The following VWC2L variants were observed in gnomAD, a reference collection of about 807,000 sequenced individuals.
VWC2L encodes von Willebrand factor C domain-containing protein 2-like.
Under a neutral mutation model 21.6 loss-of-function variants are expected in VWC2L, and 10 were observed. The ratio of observed to expected loss-of-function variants is 0.46; its 90% CI spans 0.29 to 0.78. The LOEUF (loss-of-function observed/expected upper bound fraction) is 0.78, where lower values mean the gene tolerates loss of function less well. Among genes scored for constraint, VWC2L ranks in the 30% least tolerant of loss-of-function variants. The pLI, the probability that VWC2L is intolerant of heterozygous loss-of-function variation, is 0.10. For missense variants in VWC2L, 209 were observed against 277.1 expected, an observed-to-expected ratio of 0.75 and a Z score of 1.74; for synonymous variants, 96 against 94.3, an observed-to-expected ratio of 1.02 and a Z score of -0.10.
chr2:214,481,935 G>A (rs1279354549), intron 3 of VWC2L, among the ~76,000 whole-genome samples: 1 of 152,058 alleles, frequency 6.6e-6, no homozygotes, highest in African/African-American at 2.4e-5. Context: ...AGTTAACAGG[G>A]GAAAAGAAAT....
At chr2:214,429,045 TATG>T (rs1474530339) in intron 2 of VWC2L, among the ~76,000 whole-genome samples, 4 of 152,210 alleles carry the variant, frequency 2.6e-5, no homozygotes, top group Non-Finnish European at 5.9e-5. Flanking sequence ...ATTCATCTCC[TATG>T]ATTCTTTCAG....
At chr2:214,461,438 G>A (rs376278369) in intron 3 of VWC2L, among the ~76,000 whole-genome samples, 2 of 152,206 alleles carry the variant, frequency 1.3e-5, no homozygotes, top group Non-Finnish European at 2.9e-5. Context: ...GCCCCCAAAT[G>A]TCACAACCAG....
At chr2:214,553,874 T>C (rs1010104572) in intron 3 of VWC2L, among the ~76,000 whole-genome samples, 6 of 152,084 alleles carry the variant, frequency 3.9e-5, no homozygotes, top group Non-Finnish European at 7.4e-5. Flanking sequence ...ACAAACATGA[T>C]ACAAAAAATC....
At chr2:214,430,796 C>T (rs1204218471) in intron 2 of VWC2L, among the ~76,000 whole-genome samples, 2 of 152,194 alleles carry the variant, frequency 1.3e-5, no homozygotes, top group African/African-American at 4.8e-5. Context: ...CCACGATATA[C>T]ATTTGCTGAG....
At chr2:214,529,497 T>G (rs1171989918) in intron 3 of VWC2L, among the ~76,000 whole-genome samples, 2 of 152,190 alleles carry the variant, frequency 1.3e-5, no homozygotes, top group Non-Finnish European at 2.9e-5. Flanking sequence ...TTTTCTCCTT[T>G]ATTTTTTATA....
intron 3 of VWC2L, among the ~76,000 whole-genome samples, chr2:214,520,994 C>T (rs940448376): frequency 2.0e-5 from 3 of 151,898 alleles, no homozygotes; most frequent in East Asian, 1.9e-4. Flanking sequence ...GAGGCTGAGG[C>T]GGGTGGATCA....
chr2:214,437,781 T>TA (rs1226679353), intron 3 of VWC2L, among the ~76,000 whole-genome samples: 4 of 152,280 alleles, frequency 2.6e-5, no homozygotes, highest in South Asian at 4.1e-4. Flanking sequence ...TTATAAAAGA[T>TA]AAAAAAATAT....
chr2:214,455,591 T>G (rs1011520515), intron 3 of VWC2L, among the ~76,000 whole-genome samples: 3 of 152,202 alleles, frequency 2.0e-5, no homozygotes, highest in Non-Finnish European at 4.4e-5. Context: ...ATACAATATA[T>G]TGTTTTAACT....
chr2:214,529,952 G>T (rs1689407785), intron 3 of VWC2L, among the ~76,000 whole-genome samples: 1 of 152,106 alleles, frequency 6.6e-6, no homozygotes, highest in East Asian at 1.9e-4. Context: ...CAATTCAGTG[G>T]ATTCACTAGC....
Position 214,434,082 on chromosome 2 carries a change from C to A in VWC2L, c.391-2547C>A, listed in dbSNP as rs796744778. 3.9e-4 allele frequency among the ~76,000 whole-genome samples: 60 copies of A among 152,234 alleles called. 2 individuals are homozygous for A. Among genetic ancestry groups the A allele is most frequent in the African/African-American group, 1.4e-3 (57 of 41,542 alleles). ...TACATAAATAAAGCCAAGTTCAGGGCAGGGTGAGAAGCCACCAATGATTAA... is the reference window on the plus strand; with the variant it reads ...TACATAAATAAAGCCAAGTTCAGGGAAGGGTGAGAAGCCACCAATGATTAA... On this transcript the variant is annotated intron_variant, in intron 2 of 3. Coordinates refer to ENST00000312504, the MANE Select transcript of VWC2L (RefSeq NM_001080500.4).
At chr2:214,478,984 T>G (rs1688564503) in intron 3 of VWC2L, among the ~76,000 whole-genome samples, 2 of 152,168 alleles carry the variant, frequency 1.3e-5, no homozygotes, top group African/African-American at 2.4e-5. Context: ...CTGCCACACA[T>G]TCCTCTCCAA....
At chr2:214,556,373 A>G (rs1689873077) in intron 3 of VWC2L, among the ~76,000 whole-genome samples, 2 of 152,230 alleles carry the variant, frequency 1.3e-5, no homozygotes, top group South Asian at 4.1e-4. Flanking sequence ...AGAAAAACAC[A>G]AACAGTTGGC....
At chr2:214,541,592 A>G (rs1006034417) in intron 3 of VWC2L, among the ~76,000 whole-genome samples, 3 of 152,152 alleles carry the variant, frequency 2.0e-5, no homozygotes, top group Non-Finnish European at 1.5e-5. Context: ...TGAAGACTTG[A>G]GTTTGGGCTA....
At chr2:214,448,856 G>A (rs913852886) in intron 3 of VWC2L, among the ~76,000 whole-genome samples, 2 of 151,912 alleles carry the variant, frequency 1.3e-5, no homozygotes, top group African/African-American at 4.8e-5. Context: ...ATGTGAAAAG[G>A]GCAGCTGTTC....
At chr2:214,570,476 G>T (rs987880789) in intron 3 of VWC2L, among the ~76,000 whole-genome samples, 1 of 152,108 alleles carries the variant, frequency 6.6e-6, no homozygotes, top group Non-Finnish European at 1.5e-5. Flanking sequence ...AGATCCTTCT[G>T]CCTCAGCCTC....
chr2:214,432,019 T>C (rs187604642), intron 2 of VWC2L, among the ~76,000 whole-genome samples: 2 of 152,354 alleles, frequency 1.3e-5, no homozygotes, highest in Admixed American at 6.5e-5. Flanking sequence ...CAAATAGTTA[T>C]TTCACGACTC....
intron 3 of VWC2L, among the ~76,000 whole-genome samples, chr2:214,552,076 C>T (rs996126605): frequency 3.3e-5 from 5 of 152,184 alleles, no homozygotes; most frequent in Non-Finnish European, 5.9e-5. Context: ...TTCTAACAAG[C>T]TCTCTTGGAA....
intron 3 of VWC2L, among the ~76,000 whole-genome samples, chr2:214,535,501 T>G (rs992985447): frequency 2.6e-5 from 4 of 151,784 alleles, no homozygotes; most frequent in African/African-American, 7.3e-5. Flanking sequence ...AGCTTGGCTC[T>G]CTCATGGGAA....
chr2:214,491,270 T>C (rs1688742195), intron 3 of VWC2L, among the ~76,000 whole-genome samples: 1 of 152,196 alleles, frequency 6.6e-6, no homozygotes, highest in Admixed American at 6.5e-5. Flanking sequence ...AGAGTCTTGA[T>C]GTTTTCTGTG....
Sources: allele counts gnomAD v4.1 joint callset (sites outside exome capture counted in the v4.1 genomes callset), GRCh38; gene constraint gnomAD v4.1.1; transcripts MANE v1.5; gene names NCBI Gene and HGNC (gene_info 2026-07-23, HGNC 2026-07-21).